Variants in TSPAN2 observed in about 807,000 individuals in gnomAD.
TSPAN2 encodes tetraspanin 2.
TSPAN2 carries 24 observed loss-of-function variants against 33.3 expected under a neutral mutation model. The observed-to-expected ratio is 0.72, with a 90% CI of 0.52 to 1.01. The LOEUF is 1.01. TSPAN2 is among the 50% of genes least tolerant of loss of function. The pLI is 0.00. For missense variants in TSPAN2, 278 were observed against 281.3 expected (o/e 0.99, Z 0.08); for synonymous variants, 114 against 104.5 (o/e 1.09, Z -0.56).
At chr1:115,059,958 T>A (rs1647638304) in intron 4 of TSPAN2, among the ~76,000 whole-genome samples, 1 of 152,224 alleles carries the variant, frequency 6.6e-6, no homozygotes, top group African/African-American at 2.4e-5. Context: ...GAAGAAAGGC[T>A]ACTTCCTCTG....
chr1:115,079,159 ACACACACACG>A (rs891512316), intron 1 of TSPAN2, among the ~76,000 whole-genome samples: 3 of 149,816 alleles, frequency 2.0e-5, no homozygotes, highest in Non-Finnish European at 4.5e-5. Flanking sequence ...ACACACACAC[ACACACACACG>A]CGCATGCTGC....
At chr1:115,073,918 C>T (rs919374225) in intron 1 of TSPAN2, among the ~76,000 whole-genome samples, 1 of 152,130 alleles carries the variant, frequency 6.6e-6, no homozygotes, top group Non-Finnish European at 1.5e-5. Flanking sequence ...CCAGCAGGCT[C>T]TAGCCACGGT....
At chr1:115,078,483 G>A (rs901778176) in intron 1 of TSPAN2, among the ~76,000 whole-genome samples, 2 of 152,132 alleles carry the variant, frequency 1.3e-5, no homozygotes, top group South Asian at 4.1e-4. Context: ...GGATATGTGG[G>A]GTTGGGGCTT....
At chr1:115,056,585 T>C (rs1647437485) in intron 6 of TSPAN2, among the ~76,000 whole-genome samples, 1 of 152,186 alleles carries the variant, frequency 6.6e-6, no homozygotes, top group Non-Finnish European at 1.5e-5. Context: ...TTTCCATTCT[T>C]GAAGATTTAG....
intron 1 of TSPAN2, among the ~76,000 whole-genome samples, chr1:115,079,085 G>A (rs1648521211): frequency 6.6e-6 from 1 of 151,250 alleles, no homozygotes; most frequent in Non-Finnish European, 1.5e-5. Context: ...TCTACACAAT[G>A]TATACATGCC....
intron 1 of TSPAN2, among the ~76,000 whole-genome samples, chr1:115,073,526 C>CACCTCGTG (rs3039546): frequency 0.38 from 57,195 of 151,378 alleles, 11,081 homozygotes; most frequent in South Asian, 0.55. Context: ...AACCCACCCA[C>CACCTCGTG]ACCTCGTGAG....
intron 1 of TSPAN2, 34 bp downstream of exon 1, chr1:115,089,330 T>G (rs1648965805): frequency 5.3e-5 from 59 of 1,113,302 alleles, no homozygotes; most frequent in Non-Finnish European, 7.0e-5. Context: ...CCCGGCCCCC[T>G]GCCCTGACCG....
chr1:115,085,737 G>T (rs976163697), intron 1 of TSPAN2, among the ~76,000 whole-genome samples: 1 of 152,120 alleles, frequency 6.6e-6, no homozygotes, highest in Non-Finnish European at 1.5e-5. Flanking sequence ...AGTGAAGGCA[G>T]ATATCTAGAT....
chr1:115,065,247 G>A (rs1270908764), intron 2 of TSPAN2, among the ~76,000 whole-genome samples: 2 of 152,096 alleles, frequency 1.3e-5, no homozygotes, highest in East Asian at 3.9e-4. Flanking sequence ...CTAATACTCC[G>A]CATGCCATAA....
intron 1 of TSPAN2, among the ~76,000 whole-genome samples, chr1:115,075,986 T>C (rs1460832265): frequency 2.6e-5 from 4 of 151,914 alleles, no homozygotes; most frequent in African/African-American, 4.8e-5. Context: ...AGGGAAACGA[T>C]GATGAAAAAG....
Position 115,050,457 on chromosome 1 carries a change from G to C in TSPAN2, c.*33C>G. On this transcript the variant is annotated 3_prime_UTR_variant, in exon 8 of 8. Coordinates refer to ENST00000369516, the MANE Select transcript of TSPAN2 (RefSeq NM_005725.6). ...AGCTCCTGTGACATTTGGTATGAAAGCTTTAGATTGCAATTTTCATGTAGA... is the reference window on the plus strand; with the variant it reads ...AGCTCCTGTGACATTTGGTATGAAACCTTTAGATTGCAATTTTCATGTAGA... 1 of 1,594,340 alleles carries C rather than the reference G, an allele frequency of 6.3e-7. No homozygotes were observed. Among genetic ancestry groups the C allele is most frequent in the Non-Finnish European group, 8.6e-7 (1 of 1,162,092 alleles).
At position 115,055,943 on chromosome 1, in the gene TSPAN2, A is replaced by G. The variant is rs377405818; in HGVS notation, c.516+1594T>C. Among the ~76,000 whole-genome samples, 125 of 152,350 alleles carry G rather than the reference A, an allele frequency of 8.2e-4. 2 individuals are homozygous for G. The South Asian group carries it at 0.025, about 31-fold the overall frequency. On this transcript the variant is annotated intron_variant, in intron 6 of 7. Coordinates refer to ENST00000369516, the MANE Select transcript of TSPAN2 (RefSeq NM_005725.6). ...ATAACATGTAATGAGCATGATTTGC[A>G]CAAAAACGTCTGTCTGCATTTCTGA...
intron 1 of TSPAN2, among the ~76,000 whole-genome samples, chr1:115,080,956 G>T (rs926828210): frequency 6.6e-6 from 1 of 152,164 alleles, no homozygotes; most frequent in African/African-American, 2.4e-5. Flanking sequence ...ATTTATAGTG[G>T]TTGGGAGAAC....
intron 2 of TSPAN2, among the ~76,000 whole-genome samples, chr1:115,066,652 A>G (rs1011323972): frequency 3.2e-4 from 49 of 151,650 alleles, no homozygotes; most frequent in Non-Finnish European, 6.6e-4. Flanking sequence ...CTAGCAGCAG[A>G]TGGTTTTACA....
intron 4 of TSPAN2, among the ~76,000 whole-genome samples, 169 bp from the exon 5 acceptor site, chr1:115,059,150 G>A (rs1647558303): frequency 6.6e-6 from 1 of 152,010 alleles, no homozygotes; most frequent in East Asian, 1.9e-4. Context: ...GTGAGGTGAG[G>A]GATAAAAGAC....
intron 1 of TSPAN2, among the ~76,000 whole-genome samples, chr1:115,076,074 G>T (rs1469740665): frequency 6.6e-6 from 1 of 152,172 alleles, no homozygotes; most frequent in East Asian, 1.9e-4. Flanking sequence ...GTGCTGAAGA[G>T]GAACAGCATG....
At chr1:115,060,224 A>G (rs1439392581) in intron 4 of TSPAN2, among the ~76,000 whole-genome samples, 1 of 151,878 alleles carries the variant, frequency 6.6e-6, no homozygotes, top group Non-Finnish European at 1.5e-5. Context: ...TGGTTTTATT[A>G]TAGACCACTT....
intron 2 of TSPAN2, among the ~76,000 whole-genome samples, chr1:115,062,901 T>G (rs1196639102): frequency 3.3e-5 from 5 of 152,116 alleles, no homozygotes; most frequent in Admixed American, 6.5e-5. Context: ...ACAGACCTAG[T>G]AGGAGCCACA....
intron 6 of TSPAN2, among the ~76,000 whole-genome samples, chr1:115,056,625 C>G (rs1570966355): frequency 6.6e-6 from 1 of 152,282 alleles, no homozygotes; most frequent in East Asian, 1.9e-4. Flanking sequence ...GTCAGCCTTC[C>G]CCATCCCCCA....
Sources: gnomAD v4.1 joint callset for allele counts (sites outside exome capture counted in the v4.1 genomes callset) on GRCh38, gnomAD v4.1.1 for gene constraint, MANE v1.5 for transcripts, NCBI Gene and HGNC (gene_info 2026-07-23, HGNC 2026-07-21) for gene names.